TRDN: variants seen among roughly 807,000 people sequenced by gnomAD.
TRDN encodes the protein triadin in skeletal muscle.
TRDN carries 161 observed loss-of-function variants against 149.7 expected under a neutral mutation model. That is an observed-to-expected ratio of 1.08 (90% CI 0.95 to 1.23). The LOEUF is 1.23. Among genes scored for constraint, TRDN ranks in the 50% most tolerant of loss-of-function variants. The pLI, the probability that TRDN is intolerant of heterozygous loss-of-function variation, is 0.00. For missense variants in TRDN, 896 were observed against 823.5 expected (o/e 1.09, Z -1.08); for synonymous variants, 294 against 250.5 (o/e 1.17, Z -1.64).
chr6:123,481,205 A>G (rs2114769790), intron 9 of TRDN, among the ~76,000 whole-genome samples: 1 of 152,220 alleles, frequency 6.6e-6, no homozygotes, highest in African/African-American at 2.4e-5. Flanking sequence ...GCTGTGAAGT[A>G]TGAGATCACA....
chr6:123,417,784 C>T (rs891347273), intron 12 of TRDN, among the ~76,000 whole-genome samples: 5 of 152,234 alleles, frequency 3.3e-5, no homozygotes, highest in East Asian at 1.9e-4. Flanking sequence ...CCCATCTCTC[C>T]GGTTTCTCAT....
chr6:123,359,720 G>A (rs567971302), intron 20 of TRDN, among the ~76,000 whole-genome samples: 5 of 152,128 alleles, frequency 3.3e-5, no homozygotes, highest in African/African-American at 9.7e-5. Context: ...GTTTGAGACA[G>A]AGCCTCGCTC....
At chr6:123,526,094 T>C (rs1198176665) in intron 5 of TRDN, among the ~76,000 whole-genome samples, 5 of 152,044 alleles carry the variant, frequency 3.3e-5, no homozygotes, top group Admixed American at 1.3e-4. Flanking sequence ...CTGACACATC[T>C]ACCAAGATAA....
intron 12 of TRDN, among the ~76,000 whole-genome samples, chr6:123,408,963 C>A (rs900277317): frequency 6.6e-6 from 1 of 152,120 alleles, no homozygotes; most frequent in African/African-American, 2.4e-5. Context: ...CCTCCTAAGA[C>A]TTTACAATAT....
chr6:123,524,152 T>G (rs543676227), intron 5 of TRDN, among the ~76,000 whole-genome samples: 4 of 152,230 alleles, frequency 2.6e-5, no homozygotes, highest in Non-Finnish European at 5.9e-5. Context: ...CTGGCAACAA[T>G]GGCTTCTAGA....
chr6:123,316,887 TTG>T (rs1367535691), intron 23 of TRDN, among the ~76,000 whole-genome samples: 2 of 151,832 alleles, frequency 1.3e-5, no homozygotes, highest in East Asian at 1.9e-4. Context: ...TTAAGCAATT[TTG>T]TCTTTGACTA....
intron 8 of TRDN, among the ~76,000 whole-genome samples, chr6:123,500,528 C>T (rs1778653132): frequency 6.6e-6 from 1 of 152,070 alleles, no homozygotes; most frequent in Non-Finnish European, 1.5e-5. Flanking sequence ...TCTAAATTGT[C>T]CTGCCATTCT....
chr6:123,574,843 TGAATTTATATATAC>T (rs1782749797), intron 1 of TRDN, among the ~76,000 whole-genome samples: 6 of 120,954 alleles, frequency 5.0e-5, no homozygotes, highest in Non-Finnish European at 6.8e-5. Flanking sequence ...AAACAGAACA[TGAATTTATATATAC>T]ATATATATAT....
At chr6:123,232,289 T>A (rs1168481904) in intron 38 of TRDN, among the ~76,000 whole-genome samples, 1 of 151,812 alleles carries the variant, frequency 6.6e-6, no homozygotes, top group Admixed American at 6.6e-5. Flanking sequence ...GTGGAAGGCA[T>A]TAGAGAGGTT....
intron 32 of TRDN, among the ~76,000 whole-genome samples, chr6:123,267,116 A>AAGT (rs1253712634): frequency 6.7e-6 from 1 of 149,762 alleles, no homozygotes; most frequent in African/African-American, 2.4e-5. Flanking sequence ...AAAAAAAAAG[A>AAGT]AGTAACAGTG....
intron 2 of TRDN, among the ~76,000 whole-genome samples, chr6:123,559,515 A>G (rs1025927211): frequency 6.6e-5 from 10 of 151,634 alleles, no homozygotes; most frequent in African/African-American, 2.2e-4. Context: ...CCCCCACTTA[A>G]CCCACAAGAA....
intron 7 of TRDN, among the ~76,000 whole-genome samples, chr6:123,506,647 A>G (rs949244290): frequency 7.9e-5 from 12 of 151,734 alleles, no homozygotes; most frequent in Middle Eastern, 3.4e-3. Context: ...CACCACCAAC[A>G]TCAGCTAATT....
At chr6:123,447,262 C>T (rs1775441305) in intron 10 of TRDN, among the ~76,000 whole-genome samples, 1 of 152,192 alleles carries the variant, frequency 6.6e-6, no homozygotes, top group African/African-American at 2.4e-5. Context: ...AATTTATTCA[C>T]ATAAATCAAC....
At chr6:123,309,790 A>G (rs566925761) in intron 24 of TRDN, among the ~76,000 whole-genome samples, 1 of 152,164 alleles carries the variant, frequency 6.6e-6, no homozygotes, top group Admixed American at 6.6e-5. Flanking sequence ...TCATAACTGC[A>G]TAAAATATAT....
intron 4 of TRDN, 36 bp downstream of exon 4, chr6:123,547,304 G>C: frequency 7.6e-7 from 1 of 1,321,866 alleles, no homozygotes. Context: ...TACCATAAGA[G>C]AAAAATAATT....
intron 23 of TRDN, among the ~76,000 whole-genome samples, chr6:123,331,095 T>C (rs747380962): frequency 2.3e-4 from 35 of 152,108 alleles, no homozygotes; most frequent in Non-Finnish European, 4.7e-4. Context: ...AAATTTTTAA[T>C]ATTTACTTTG....
chr6:123,400,167 G>GTATGTATATATATATATATATATATA (rs1554232310), intron 12 of TRDN, among the ~76,000 whole-genome samples: 3 of 123,396 alleles, frequency 2.4e-5, no homozygotes, highest in African/African-American at 6.0e-5. Context: ...ATATGTATGT[G>GTATGTATATATATATATATATATATA]TATATATATA....
chr6:123,256,228 G>A (rs1392693566), intron 35 of TRDN, among the ~76,000 whole-genome samples: 2 of 152,180 alleles, frequency 1.3e-5, no homozygotes, highest in Middle Eastern at 3.4e-3. Flanking sequence ...CTGAGACGAT[G>A]GTTTCCGGCT....
chr6:123,453,890 G>GGTGTGTGTGTGT lies in TRDN; in HGVS notation c.931+11004_931+11015dup, dbSNP rs533210679. Among the ~76,000 whole-genome samples the GGTGTGTGTGTGT allele has an allele frequency of 9.8e-3, 1,453 of 148,636 alleles. 21 individuals carry two copies. Among genetic ancestry groups the GGTGTGTGTGTGT allele is most frequent in the Middle Eastern group, 0.031 (9 of 292 alleles). ...GTCAATGAGTGGATAAAGAAACTGT[G>GGTGTGTGTGTGT]GTGTGTGTGTGTGTGTGTGTGTGTA... On this transcript the variant is annotated intron_variant, in intron 10 of 40. Transcript: ENST00000334268.
Sources: allele counts gnomAD v4.1 joint callset (sites outside exome capture counted in the v4.1 genomes callset), GRCh38; gene constraint gnomAD v4.1.1; transcripts MANE v1.5; gene names NCBI Gene and HGNC (gene_info 2026-07-23, HGNC 2026-07-21).